The following CHD6 variants were observed in gnomAD, a reference collection of about 807,000 sequenced individuals.
CHD6 encodes the protein ATP-dependent chromatin remodeler CHD6.
CHD6 carries 50 observed loss-of-function variants against 276.9 expected under a neutral mutation model. That is an observed-to-expected ratio of 0.18 (90% CI 0.14 to 0.23). The LOEUF (loss-of-function observed/expected upper bound fraction) is 0.23. Ranked by LOEUF, CHD6 falls within the 10% of genes least tolerant of loss-of-function variation. The probability of loss-of-function intolerance (pLI) is 1.00; values close to 1 mark genes in which losing one functional copy is unlikely to be tolerated. For synonymous variants in CHD6, 1,173 were observed against 1,229.3 expected (o/e 0.95, Z 0.96); for missense variants, 2,564 against 3,365.8 (o/e 0.76, Z 5.89).
In CHD6 at chr20:41,506,688, T is replaced by C. The variant is rs181401766; in HGVS notation, c.852+6158A>G. On this transcript the variant is annotated intron_variant, in intron 5 of 36. Transcript: ENST00000373233. ...TATTTACTTCTACTCTTTAGAAGTT[T>C]TGACCTTGGTCCTTTGACCTCCCAT... is the stretch of plus-strand genomic sequence containing the variant. Among the ~76,000 whole-genome samples, 5 of 152,310 alleles carry C rather than the reference T, an allele frequency of 3.3e-5. No homozygotes were observed. In the East Asian group the frequency reaches 5.8e-4, roughly 18 times the overall value.
chr20:41,473,289 G>A lies in CHD6; in HGVS notation c.2664+33C>T. The A allele has an allele frequency of 6.2e-7, 1 of 1,601,976 alleles. No homozygotes were observed. The highest frequency in any genetic ancestry group is 2.2e-5 in the East Asian group (1 of 44,694). On this transcript the variant is annotated intron_variant, in intron 17 of 36. Coordinates refer to ENST00000373233, the MANE Select transcript of CHD6 (RefSeq NM_032221.5). The surrounding 1 kb of genome is among the most constrained non-coding windows in gnomAD (Gnocchi z 4.1). ...TCATGATGTTCTGGGATCCAGGGCA[G>A]CTAAGGTAAACAGCAATCATCCTAG...
At chr20:41,563,103 T>TACC (rs1041126636) in intron 1 of CHD6, among the ~76,000 whole-genome samples, 5 of 152,242 alleles carry the variant, frequency 3.3e-5, no homozygotes, top group African/African-American at 1.2e-4. Flanking sequence ...AAAGCTCTGT[T>TACC]ACCCTGCATG....
intron 10 of CHD6, among the ~76,000 whole-genome samples, chr20:41,493,106 C>T (rs1255220793): frequency 6.6e-6 from 1 of 151,910 alleles, no homozygotes; most frequent in African/African-American, 2.4e-5. Context: ...CAGGGATCTG[C>T]AGATAAAGGA....
At chr20:41,575,282 T>C (rs1372854408) in intron 1 of CHD6, among the ~76,000 whole-genome samples, 1 of 152,238 alleles carries the variant, frequency 6.6e-6, no homozygotes, top group Admixed American at 6.5e-5. Flanking sequence ...GCTTTGTTTG[T>C]ACATTTTGTT....
rs769332021 is a variant in CHD6 at position 41,405,445 on chromosome 20, A to C, written c.7296T>G (p.Pro2432=). The C allele has an allele frequency of 6.3e-7, 1 of 1,593,490 alleles. No individual in the cohort carries two copies. Among genetic ancestry groups the C allele is most frequent in the South Asian group, 1.1e-5 (1 of 88,782 alleles). ...ENKFNHTLAE[P]ILRDTGPRRR... ...TGCGGGGGCCCGTATCTCGAAGAAT[A>C]GGCTCAGCCAGAGTGTGATTGAACT... Residue 2432 remains proline, a synonymous_variant, in exon 37 of 37, where the codon CCT becomes CCG. Transcript: ENST00000373233.
At position 41,473,756 on chromosome 20, in the gene CHD6, CA is replaced by C. The variant is rs3215511; in HGVS notation, c.2469-240del. Among the ~76,000 whole-genome samples the C allele has an allele frequency of 6.7e-5, 10 of 149,456 alleles. No homozygotes were observed. In the South Asian group the frequency reaches 1.7e-3, roughly 25 times the overall value. On this transcript the variant is annotated intron_variant, in intron 16 of 36. Coordinates refer to ENST00000373233, the MANE Select transcript of CHD6 (RefSeq NM_032221.5). The surrounding 1 kb of genome is among the most constrained non-coding windows in gnomAD (Gnocchi z 4.1). Reference sequence around the variant, plus strand: ...AACAAAACAAAAAAACAAAACAAAGCAAAAAAAAACCAGCTGTAAACTAAGA... The same window carrying C: ...AACAAAACAAAAAAACAAAACAAAGCAAAAAAAACCAGCTGTAAACTAAGA...
In CHD6 at chr20:41,586,944, T is replaced by A. The variant is rs185980623; in HGVS notation, c.-24+31396A>T. Among the ~76,000 whole-genome samples, 425 of 152,254 alleles carry A rather than the reference T, an allele frequency of 2.8e-3. 1 individual carries two copies. Among genetic ancestry groups the A allele is most frequent in the African/African-American group, 9.4e-3 (392 of 41,536 alleles). On this transcript the variant is annotated intron_variant, in intron 1 of 36. Transcript: ENST00000373233. The stretch of plus-strand genomic sequence containing the variant: ...ATTTCATCACACTGACTCAATATCA[T>A]GTGAGGAGGAGGAATCCTAGCCAGT...
chr20:41,613,764 A>ATCCTTTT (rs2045910439), intron 1 of CHD6, among the ~76,000 whole-genome samples: 1 of 152,232 alleles, frequency 6.6e-6, no homozygotes, highest in South Asian at 2.1e-4. Context: ...GGGGTATGAG[A>ATCCTTTT]GGCACAGATC....
chr20:41,455,464 T>C (rs988234299), intron 19 of CHD6, among the ~76,000 whole-genome samples: 1 of 152,190 alleles, frequency 6.6e-6, no homozygotes, highest in African/African-American at 2.4e-5. Context: ...CTATCAGTGA[T>C]CAAGAAGTGC....
intron 3 of CHD6, among the ~76,000 whole-genome samples, chr20:41,527,755 C>A (rs1410303099): frequency 6.6e-6 from 1 of 152,148 alleles, no homozygotes; most frequent in Non-Finnish European, 1.5e-5. Flanking sequence ...AATTTGTCCC[C>A]CAAAATTCCT....
chr20:41,469,571 G>A (rs1261007856), intron 17 of CHD6, among the ~76,000 whole-genome samples: 2 of 152,178 alleles, frequency 1.3e-5, no homozygotes, highest in Admixed American at 1.3e-4. Flanking sequence ...ATCGTCCTGT[G>A]CCACTTCTTA....
At chr20:41,457,513 A>C in intron 17 of CHD6, 85 bp from the exon 18 acceptor site, 329 of 1,463,600 alleles carry the variant, frequency 2.2e-4, no homozygotes, top group Non-Finnish European at 2.7e-4. Context: ...CTTAAATGTC[A>C]TGTGGTGTGA....
At chr20:41,556,558 A>C (rs2045240571) in intron 1 of CHD6, among the ~76,000 whole-genome samples, 1 of 152,192 alleles carries the variant, frequency 6.6e-6, no homozygotes, top group African/African-American at 2.4e-5. Flanking sequence ...ATATCACATC[A>C]GCCTTGGCTA....
At chr20:41,471,604 C>T (rs1029954204) in intron 17 of CHD6, among the ~76,000 whole-genome samples, 12 of 151,748 alleles carry the variant, frequency 7.9e-5, no homozygotes, top group East Asian at 2.0e-4. Flanking sequence ...GGCACAATCT[C>T]GGCTCACTGC....
chr20:41,563,428 T>C (rs1040817926), intron 1 of CHD6, among the ~76,000 whole-genome samples: 2 of 152,170 alleles, frequency 1.3e-5, no homozygotes, highest in African/African-American at 2.4e-5. Context: ...CTAAGGAAGC[T>C]TTCTATAGTC....
intron 22 of CHD6, 41 bp from the exon 23 acceptor site, chr20:41,451,146 G>C (rs747256037): frequency 1.1e-5 from 18 of 1,586,044 alleles, no homozygotes; most frequent in African/African-American, 4.0e-5. Flanking sequence ...GATAGCCAAG[G>C]GGGGTGTTAC....
intron 2 of CHD6, among the ~76,000 whole-genome samples, chr20:41,550,849 T>C (rs1232479281): frequency 1.3e-5 from 2 of 152,214 alleles, no homozygotes; most frequent in Non-Finnish European, 2.9e-5. Flanking sequence ...AAAGAGTTGA[T>C]GCTCCCATTC....
chr20:41,546,264 T>C (rs1394673285), intron 2 of CHD6, among the ~76,000 whole-genome samples: 2 of 152,198 alleles, frequency 1.3e-5, no homozygotes, highest in African/African-American at 4.8e-5. Flanking sequence ...AAGAAAACTC[T>C]TCCCATCTTT....
intron 4 of CHD6, among the ~76,000 whole-genome samples, chr20:41,514,412 T>C (rs984480065): frequency 6.6e-6 from 1 of 152,168 alleles, no homozygotes; most frequent in Non-Finnish European, 1.5e-5. Flanking sequence ...ATGGATACAT[T>C]TCTGACTTTC....
Sources: gnomAD v4.1 joint callset for allele counts (sites outside exome capture counted in the v4.1 genomes callset) on GRCh38, gnomAD v4.1.1 for gene constraint, Gnocchi (gnomAD v3.1) non-coding constraint, MANE v1.5 for transcripts, NCBI Gene and HGNC (gene_info 2026-07-23, HGNC 2026-07-21) for gene names.